Variants in ASB3 observed in about 807,000 individuals in gnomAD.
ASB3 encodes ankyrin repeat and SOCS box containing 3.
A neutral mutation model predicts 54.5 loss-of-function variants in ASB3; 41 were observed. That is an observed-to-expected ratio of 0.75 (90% confidence interval 0.59 to 0.98). The LOEUF is 0.98. ASB3 is among the 50% of genes least tolerant of loss of function. The pLI, the probability that ASB3 is intolerant of heterozygous loss-of-function variation, is 0.00. For synonymous variants in ASB3, 266 were observed against 221.2 expected (o/e 1.20, Z -1.80); for missense variants, 733 against 620.0 (o/e 1.18, Z -1.94).
intron 6 of ASB3, among the ~76,000 whole-genome samples, chr2:53,716,089 C>A (rs1330118194): frequency 6.6e-6 from 1 of 152,156 alleles, no homozygotes; most frequent in African/African-American, 2.4e-5. Flanking sequence ...CCCCCATTTA[C>A]TCTCTCTCCA....
chr2:53,692,808 T>C (rs1225806056), intron 9 of ASB3, among the ~76,000 whole-genome samples: 1 of 152,208 alleles, frequency 6.6e-6, no homozygotes, highest in Non-Finnish European at 1.5e-5. Flanking sequence ...AGATACATAA[T>C]TAGTAAAAGC....
chr2:53,682,699 AC>A (rs1668439851), intron 9 of ASB3, among the ~76,000 whole-genome samples: 1 of 151,700 alleles, frequency 6.6e-6, no homozygotes, highest in Non-Finnish European at 1.5e-5. Flanking sequence ...CTGGTCTCGA[AC>A]TCCTGACCTC....
chr2:53,768,443 C>T (rs1673654190), intron 1 of ASB3, among the ~76,000 whole-genome samples: 1 of 152,218 alleles, frequency 6.6e-6, no homozygotes, highest in African/African-American at 2.4e-5. Flanking sequence ...AATTTGTTGG[C>T]ATTTCTGCAT....
chr2:53,699,661 T>C (rs1188910725), intron 8 of ASB3, among the ~76,000 whole-genome samples: 5 of 152,204 alleles, frequency 3.3e-5, no homozygotes, highest in Admixed American at 3.3e-4. Flanking sequence ...AAGAGTCCTC[T>C]CGCTACTACA....
In ASB3 at chr2:53,693,937, T is replaced by C. The variant is rs1669049815; in HGVS notation, c.1316A>G (p.Glu439Gly). ...TNWKTLAPAV[E>G]RMLSARASNA... ...TGAGGCACGAGCAGAGAGCATCCTT[T>C]CAACAGCTGGTGCAAGTGTCTTCCA... Residue 439 changes from glutamate to glycine, a missense_variant, in exon 9 of 10, where the codon GAA (glutamate) becomes GGA (glycine). Coordinates refer to ENST00000263634, the MANE Select transcript of ASB3 (RefSeq NM_016115.5). The C allele has an allele frequency of 6.2e-7, 1 of 1,613,668 alleles. No homozygotes were observed. Among genetic ancestry groups the C allele is most frequent in the African/African-American group, 1.3e-5 (1 of 75,032 alleles).
intron 7 of ASB3, 30 bp downstream of exon 7, chr2:53,714,354 A>G: frequency 6.2e-7 from 1 of 1,606,118 alleles, no homozygotes; most frequent in Non-Finnish European, 8.5e-7. Context: ...AAAAAAGAAT[A>G]AAAAATAAAA....
chr2:53,689,785 C>T (rs1270111603), intron 9 of ASB3, among the ~76,000 whole-genome samples: 1 of 152,096 alleles, frequency 6.6e-6, no homozygotes, highest in African/African-American at 2.4e-5. Flanking sequence ...TACCACAGAT[C>T]AACCTTCATT....
At chr2:53,764,461 C>G (rs1673323122) in intron 2 of ASB3, among the ~76,000 whole-genome samples, 1 of 152,168 alleles carries the variant, frequency 6.6e-6, no homozygotes, top group Admixed American at 6.5e-5. Flanking sequence ...AATACTGCCT[C>G]TAACACCATT....
chr2:53,718,310 G>A (rs1405189987), intron 5 of ASB3, among the ~76,000 whole-genome samples: 2 of 152,118 alleles, frequency 1.3e-5, no homozygotes, highest in African/African-American at 2.4e-5. Context: ...AAAAGGAACA[G>A]TGGACTTCTC....
rs144275950 is a variant in ASB3 at position 53,782,425 on chromosome 2, G to C, written c.-14+4396C>G. ...AAGACATTCTTGCCAGCAGAGCCTG[G>C]AGAGGTACCAATCTTAGAAACAAGC... On this transcript the variant is annotated intron_variant, in intron 1 of 9. Coordinates refer to ENST00000263634, the MANE Select transcript of ASB3 (RefSeq NM_016115.5). Among the ~76,000 whole-genome samples, 522 of 152,144 alleles carry C rather than the reference G, an allele frequency of 3.4e-3. 5 individuals are homozygous for C. Among genetic ancestry groups the C allele is most frequent in the African/African-American group, 0.012 (501 of 41,508 alleles).
Position 53,725,778 on chromosome 2 carries a change from G to A in ASB3, c.604+2934C>T, listed in dbSNP as rs1260525689. Among the ~76,000 whole-genome samples the A allele has an allele frequency of 3.9e-5, 6 of 152,016 alleles. No homozygotes were observed. The South Asian group carries it at 6.2e-4, about 16-fold the overall frequency. On this transcript the variant is annotated intron_variant, in intron 5 of 9. Transcript: ENST00000263634. ...CGCAAAAACTACACAGAACACAAAT[G>A]GTAAATTAAAGAGTCTATAGATCCT...
chr2:53,731,970 T>G (rs1008978263), intron 3 of ASB3, among the ~76,000 whole-genome samples: 2 of 147,422 alleles, frequency 1.4e-5, no homozygotes, highest in Admixed American at 1.4e-4. Flanking sequence ...CAGTTTGTTT[T>G]ATTTTGAGAT....
At chr2:53,688,529 T>C (rs1275682019) in intron 9 of ASB3, among the ~76,000 whole-genome samples, 1 of 152,258 alleles carries the variant, frequency 6.6e-6, no homozygotes, top group Non-Finnish European at 1.5e-5. Flanking sequence ...AACTGAGGTC[T>C]GTCTTTGCCA....
At chr2:53,740,711 G>T (rs532016701) in intron 3 of ASB3, among the ~76,000 whole-genome samples, 1 of 152,112 alleles carries the variant, frequency 6.6e-6, no homozygotes, top group African/African-American at 2.4e-5. Context: ...ACGTTGTGGC[G>T]AATATCCCAA....
At chr2:53,698,854 T>A (rs776680329) in intron 8 of ASB3, among the ~76,000 whole-genome samples, 1 of 152,204 alleles carries the variant, frequency 6.6e-6, no homozygotes. Flanking sequence ...TACGGAAATA[T>A]AGGCTTTTTC....
chr2:53,728,876 G>GA (rs748199933), intron 4 of ASB3, 29 bp from the exon 5 acceptor site: 81 of 1,533,370 alleles, frequency 5.3e-5, no homozygotes, highest in Non-Finnish European at 6.0e-5. Flanking sequence ...TTTTAAATAA[G>GA]AAAAAAACAA....
intron 3 of ASB3, 107 bp downstream of exon 3, chr2:53,750,675 CA>C (rs1373397460): frequency 4.1e-6 from 5 of 1,227,696 alleles, no homozygotes; most frequent in Non-Finnish European, 5.3e-6. Flanking sequence ...TGATAGTTGC[CA>C]AAAGAACATA....
chr2:53,699,825 T>C (rs1394913343), intron 8 of ASB3, among the ~76,000 whole-genome samples: 1 of 152,186 alleles, frequency 6.6e-6, no homozygotes, highest in Non-Finnish European at 1.5e-5. Context: ...AAACAAACTA[T>C]AGTCTCAGAT....
At chr2:53,750,055 G>A (rs1167060244) in intron 3 of ASB3, among the ~76,000 whole-genome samples, 2 of 152,006 alleles carry the variant, frequency 1.3e-5, no homozygotes, top group African/African-American at 2.4e-5. Flanking sequence ...TTATAAGTGA[G>A]GATACTGAAA....
Sources: allele counts gnomAD v4.1 joint callset (sites outside exome capture counted in the v4.1 genomes callset), GRCh38; gene constraint gnomAD v4.1.1; transcripts MANE v1.5; gene names NCBI Gene and HGNC (gene_info 2026-07-23, HGNC 2026-07-21).